Variants in BTG4 observed in about 807,000 individuals in gnomAD.
BTG4 encodes the protein protein BTG4.
Under a neutral mutation model 19.3 loss-of-function variants are expected in BTG4, and 10 were observed. The ratio of observed to expected loss-of-function variants is 0.52; its 90% CI spans 0.32 to 0.88. The LOEUF is 0.88. BTG4 is among the 40% of genes least tolerant of loss of function. The pLI, the probability that BTG4 is intolerant of heterozygous loss-of-function variation, is 0.04. For synonymous variants in BTG4, 91 were observed against 95.7 expected, an observed-to-expected ratio of 0.95 and a Z score of 0.29; for missense variants, 238 against 281.9, an observed-to-expected ratio of 0.84 and a Z score of 1.11.
At chr11:111,428,977 A>C in the BTG4 span, among the ~76,000 whole-genome samples, 10 of 152,356 alleles carry the variant, frequency 6.6e-5, no homozygotes, top group East Asian at 1.9e-3. Context: ...TGTTCCAAAC[A>C]TCGTTCTGAG....
the BTG4 span, among the ~76,000 whole-genome samples, chr11:111,442,344 A>T: frequency 6.6e-6 from 1 of 151,472 alleles, no homozygotes; most frequent in East Asian, 2.0e-4. Context: ...CTATAAAAAT[A>T]CAAAAAATTA....
chr11:111,452,672 T>C, the BTG4 span: 7 of 152,244 alleles, frequency 4.6e-5, no homozygotes, highest in Non-Finnish European at 8.8e-5. Flanking sequence ...ATAAGCATTC[T>C]AATAGTTGCT....
the BTG4 span, among the ~76,000 whole-genome samples, chr11:111,421,411 G>A: frequency 1.3e-5 from 2 of 152,132 alleles, no homozygotes; most frequent in Admixed American, 6.5e-5. Flanking sequence ...GAGCTACTTT[G>A]CTTCTAGCAA....
At chr11:111,451,320 T>C in the BTG4 span, 10 of 427,634 alleles carry the variant, frequency 2.3e-5, no homozygotes, top group African/African-American at 1.6e-4. Flanking sequence ...GTCCCAGCTC[T>C]ATGAGCAAAG....
chr11:111,398,351 C>G, the BTG4 span, among the ~76,000 whole-genome samples: 2 of 152,208 alleles, frequency 1.3e-5, no homozygotes, highest in Non-Finnish European at 2.9e-5. Flanking sequence ...GTCCTTTAGC[C>G]TAAAGCAGTT....
At chr11:111,400,282 C>T in the BTG4 span, among the ~76,000 whole-genome samples, 2 of 152,168 alleles carry the variant, frequency 1.3e-5, no homozygotes, top group South Asian at 4.1e-4. Flanking sequence ...TATTGAGTCT[C>T]TTATCTTAAA....
chr11:111,441,959 T>G, the BTG4 span, among the ~76,000 whole-genome samples: 1 of 151,000 alleles, frequency 6.6e-6, no homozygotes, highest in Non-Finnish European at 1.5e-5. Context: ...CTCAGGAGGC[T>G]GAAGCATGAG....
At chr11:111,454,166 T>G in the BTG4 span, 2 of 403,478 alleles carry the variant, frequency 5.0e-6, no homozygotes, top group Non-Finnish European at 9.7e-6. Context: ...AGAAGATGCA[T>G]GGAAGATCTG....
chr11:111,395,705 G>A, the BTG4 span, among the ~76,000 whole-genome samples: 2 of 152,238 alleles, frequency 1.3e-5, no homozygotes, highest in African/African-American at 2.4e-5. Flanking sequence ...GGGAGCAGGT[G>A]GGGCCCACAG....
chr11:111,495,516 T>A (rs565682297), intron 4 of BTG4, among the ~76,000 whole-genome samples: 1 of 152,350 alleles, frequency 6.6e-6, no homozygotes, highest in Admixed American at 6.5e-5. Context: ...AAAAGTTAAT[T>A]AATTCAACTA....
At chr11:111,455,233 A>G in the BTG4 span, 1 of 353,030 alleles carries the variant, frequency 2.8e-6, no homozygotes, top group African/African-American at 2.1e-5. Context: ...AGTTCCCACC[A>G]TCTCTGGGAA....
chr11:111,389,363 G>T, the BTG4 span, among the ~76,000 whole-genome samples: 1 of 152,050 alleles, frequency 6.6e-6, no homozygotes, highest in South Asian at 2.1e-4. Flanking sequence ...CACCTTGAAG[G>T]TCCAAAAGAA....
chr11:111,484,867 T>G (rs191870679), intron 5 of BTG4, among the ~76,000 whole-genome samples: 1 of 152,094 alleles, frequency 6.6e-6, no homozygotes, highest in African/African-American at 2.4e-5. Flanking sequence ...AACACCCAAC[T>G]ACATGCTGCC....
At chr11:111,513,927 A>C (rs1364229800), upstream of BTG4, 1 of 157,102 alleles carries the variant, frequency 6.4e-6, no homozygotes, top group African/African-American at 2.4e-5. Flanking sequence ...TTCCTTTGCT[A>C]AATTGACTTT....
the BTG4 span, among the ~76,000 whole-genome samples, chr11:111,450,173 C>A: frequency 6.6e-6 from 1 of 152,184 alleles, no homozygotes; most frequent in African/African-American, 2.4e-5. Flanking sequence ...GCTGCCCCTG[C>A]CCCATGGAGT....
At chr11:111,505,599 C>T (rs1480952545) in intron 1 of BTG4, among the ~76,000 whole-genome samples, 1 of 151,930 alleles carries the variant, frequency 6.6e-6, no homozygotes, top group Admixed American at 6.6e-5. Flanking sequence ...AGATTCCAAA[C>T]ACAAACGCAA....
chr11:111,442,311 G>C, the BTG4 span, among the ~76,000 whole-genome samples: 1 of 150,784 alleles, frequency 6.6e-6, no homozygotes. Context: ...GACCAGCCTG[G>C]CCAACATGGT....
the BTG4 span, chr11:111,457,947 A>T: frequency 6.6e-6 from 1 of 152,660 alleles, no homozygotes; most frequent in East Asian, 1.9e-4. Flanking sequence ...GTCCGGCTCC[A>T]GGGGGCTTCC....
At chr11:111,394,960 C>T in the BTG4 span, among the ~76,000 whole-genome samples, 1 of 152,242 alleles carries the variant, frequency 6.6e-6, no homozygotes, top group Non-Finnish European at 1.5e-5. Flanking sequence ...TCCTCTCCCC[C>T]TCAGAAGCCA....
Sources: gnomAD v4.1 joint callset for allele counts (sites outside exome capture counted in the v4.1 genomes callset) on GRCh38, gnomAD v4.1.1 for gene constraint, MANE v1.5 for transcripts, NCBI Gene and HGNC (gene_info 2026-07-23, HGNC 2026-07-21) for gene names.